The following CCDC91 variants were observed in gnomAD, a reference collection of about 807,000 sequenced individuals.
CCDC91 encodes the protein coiled-coil domain-containing protein 91.
Under a neutral mutation model 63.2 loss-of-function variants are expected in CCDC91, and 48 were observed. The observed-to-expected ratio is 0.76, with a 90% CI of 0.60 to 0.97. CCDC91 has a LOEUF of 0.97. Among genes scored for constraint, CCDC91 ranks in the 50% least tolerant of loss-of-function variants. The pLI, the probability that CCDC91 is intolerant of heterozygous loss-of-function variation, is 0.00. For synonymous variants in CCDC91, 167 were observed against 165.8 expected, an observed-to-expected ratio of 1.01 and a Z score of -0.06; for missense variants, 500 against 494.6, an observed-to-expected ratio of 1.01 and a Z score of -0.10.
In CCDC91 at chr12:28,414,005, C is replaced by T. The variant is rs566635709; in HGVS notation, c.762+22594C>T. Among the ~76,000 whole-genome samples, 40 of 152,234 alleles carry T rather than the reference C, an allele frequency of 2.6e-4. 1 individual carries two copies. The East Asian group carries it at 6.0e-3, about 23-fold the overall frequency. The stretch of plus-strand genomic sequence containing the variant: ...AAGATGTTTGTCAATGGCAGAACCA[C>T]GAGTGAAAGGAAATTGGGTCTGTGA... On this transcript the variant is annotated intron_variant, in intron 8 of 12. Transcript: ENST00000536442.
intron 1 of CCDC91, among the ~76,000 whole-genome samples, chr12:28,230,610 T>C (rs1432982384): frequency 6.6e-6 from 1 of 152,142 alleles, no homozygotes; most frequent in Non-Finnish European, 1.5e-5. Context: ...TGTATTTGAT[T>C]TTTTTTAAAG....
intron 12 of CCDC91, among the ~76,000 whole-genome samples, chr12:28,516,362 G>C (rs919004486): frequency 4.6e-5 from 7 of 151,984 alleles, no homozygotes; most frequent in Admixed American, 2.6e-4. Context: ...CAGCACTTTG[G>C]GAGGCTGAGG....
intron 3 of CCDC91, among the ~76,000 whole-genome samples, chr12:28,260,973 A>G (rs1466246760): frequency 1.3e-5 from 2 of 152,006 alleles, no homozygotes; most frequent in Non-Finnish European, 2.9e-5. Context: ...AAGTTTTATC[A>G]TTTGATACAC....
At chr12:28,468,282 A>G (rs991876654) in intron 11 of CCDC91, among the ~76,000 whole-genome samples, 5 of 151,628 alleles carry the variant, frequency 3.3e-5, no homozygotes, top group African/African-American at 1.2e-4. Flanking sequence ...TCTATACTAC[A>G]TCTAGTATCT....
intron 12 of CCDC91, 29 bp from the exon 13 acceptor site, chr12:28,549,032 CTT>C: frequency 7.1e-7 from 1 of 1,417,640 alleles, no homozygotes; most frequent in South Asian, 1.2e-5. Context: ...TTTTTTTTCT[CTT>C]TCTCTCTCTC....
rs554005781 is a variant in CCDC91 at position 28,429,429 on chromosome 12, G to A, written c.763-20732G>A. On this transcript the variant is annotated intron_variant, in intron 8 of 12. Transcript: ENST00000536442. ...ATGTACCAGGCAACATACTAGAAAG[G>A]ATTTTTTTAATATAAAACATTCTTT... Among the ~76,000 whole-genome samples the A allele has an allele frequency of 4.6e-5, 7 of 152,108 alleles. No individual in the cohort carries two copies. The South Asian group carries it at 1.5e-3, about 32-fold the overall frequency.
chr12:28,257,929 G>A, intron 2 of CCDC91, among the ~76,000 whole-genome samples: 1 of 115,260 alleles, frequency 8.7e-6, no homozygotes, highest in Admixed American at 9.3e-5. Flanking sequence ...GGAATGCTGT[G>A]ATTTTTTTTT....
intron 8 of CCDC91, among the ~76,000 whole-genome samples, chr12:28,414,687 A>C (rs140899014): frequency 1.3e-5 from 2 of 152,184 alleles, no homozygotes; most frequent in African/African-American, 2.4e-5. Context: ...ATGTTTTAAA[A>C]TATTCCTTGT....
At position 28,409,339 on chromosome 12, in the gene CCDC91, T is replaced by C. The variant is rs1346219051; in HGVS notation, c.762+17928T>C. On this transcript the variant is annotated intron_variant, in intron 8 of 12. Transcript: ENST00000536442. ...TACCTGTTTATCTTTGTGTTAAGTA[T>C]AAGTGTGTGCATGTTTTTCATATAT... is the stretch of plus-strand genomic sequence containing the variant. 3.3e-5 allele frequency among the ~76,000 whole-genome samples: 5 copies of C among 152,274 alleles called. 1 individual carries two copies. In the South Asian group the frequency reaches 8.3e-4, roughly 25 times the overall value.
intron 3 of CCDC91, among the ~76,000 whole-genome samples, chr12:28,260,089 A>C (rs1247078586): frequency 6.6e-6 from 1 of 151,998 alleles, no homozygotes; most frequent in East Asian, 1.9e-4. Flanking sequence ...CTTATTATGC[A>C]TTAGGCACTA....
intron 2 of CCDC91, 33 bp from the exon 3 acceptor site, chr12:28,259,331 A>T (rs753040669): frequency 6.5e-7 from 1 of 1,533,162 alleles, no homozygotes; most frequent in South Asian, 1.1e-5. Context: ...TGCTTTTCAC[A>T]TCTTCTAAAA....
chr12:28,266,851 C>T (rs1371217449), intron 3 of CCDC91, among the ~76,000 whole-genome samples: 3 of 151,754 alleles, frequency 2.0e-5, no homozygotes, highest in Non-Finnish European at 2.9e-5. Flanking sequence ...TGCTCTGACT[C>T]TTTATAATCC....
At chr12:28,236,687 G>A (rs1309510980) in intron 1 of CCDC91, 2 of 151,940 alleles carry the variant, frequency 1.3e-5, no homozygotes, top group Non-Finnish European at 2.9e-5. Context: ...TAAAATACTG[G>A]CGAGCCACAA....
chr12:28,297,735 T>C (rs1001659852), intron 3 of CCDC91, among the ~76,000 whole-genome samples: 1 of 151,808 alleles, frequency 6.6e-6, no homozygotes, highest in Admixed American at 6.6e-5. Context: ...AGGACTGACA[T>C]TACACGATTT....
chr12:28,540,532 C>T (rs927611126), intron 12 of CCDC91, among the ~76,000 whole-genome samples: 12 of 152,086 alleles, frequency 7.9e-5, no homozygotes, highest in Middle Eastern at 3.2e-3. Context: ...GAGAAGGCAG[C>T]GTAGTATTGT....
At position 28,373,614 on chromosome 12, in the gene CCDC91, ATT is replaced by A. The variant is rs60585724; in HGVS notation, c.654+11108_654+11109del. ...CATCTATTAATACAAGTTTCTATAC[ATT>A]TTTTTTTTGAATAAATGCTTCTCAA... On this transcript the variant is annotated intron_variant, in intron 7 of 12. Transcript: ENST00000536442. Among the ~76,000 whole-genome samples the A allele has an allele frequency of 9.9e-3, 1,494 of 151,510 alleles. 29 individuals carry two copies. The highest frequency in any genetic ancestry group is 0.034 in the African/African-American group (1,403 of 41,224).
Position 28,273,409 on chromosome 12 carries a change from T to C in CCDC91, c.109+13967T>C, listed in dbSNP as rs1372756197. 4.0e-3 allele frequency among the ~76,000 whole-genome samples: 613 copies of C among 152,220 alleles called. 1 individual carries two copies. Among genetic ancestry groups the C allele is most frequent in the Non-Finnish European group, 7.4e-3 (502 of 67,988 alleles). On this transcript the variant is annotated intron_variant, in intron 3 of 12. Coordinates refer to ENST00000536442, the MANE Select transcript of CCDC91 (RefSeq NM_018318.5). ...TTCTAGTTCTAGATCCCTGAGGAATTGCCACACTGACTTCCACAATGGTTG... is the reference window on the plus strand; with the variant it reads ...TTCTAGTTCTAGATCCCTGAGGAATCGCCACACTGACTTCCACAATGGTTG...
intron 3 of CCDC91, among the ~76,000 whole-genome samples, chr12:28,261,217 A>G (rs1189814500): frequency 6.6e-6 from 1 of 152,012 alleles, no homozygotes; most frequent in African/African-American, 2.4e-5. Context: ...TAATGAATTA[A>G]TGTTAGACAT....
chr12:28,209,096 A>G (rs186674419), intron 1 of CCDC91, among the ~76,000 whole-genome samples: 21 of 152,210 alleles, frequency 1.4e-4, no homozygotes, highest in Non-Finnish European at 2.4e-4. Context: ...GTGAGCCACC[A>G]TACCTGGCCC....
Sources: allele counts gnomAD v4.1 joint callset (sites outside exome capture counted in the v4.1 genomes callset), GRCh38; gene constraint gnomAD v4.1.1; transcripts MANE v1.5; gene names NCBI Gene and HGNC (gene_info 2026-07-23, HGNC 2026-07-21).